PARD3: variants seen among roughly 807,000 people sequenced by gnomAD.
PARD3 encodes the protein partitioning defective 3 homolog.
Under a neutral mutation model 155.4 loss-of-function variants are expected in PARD3, and 75 were observed. The observed-to-expected ratio is 0.48, with a 90% confidence interval of 0.40 to 0.58. The LOEUF is 0.58. PARD3 is among the 20% of genes least tolerant of loss of function. PARD3 has a pLI of 0.00. For missense variants in PARD3, 1,642 were observed against 1,721.7 expected, an observed-to-expected ratio of 0.95 and a Z score of 0.82; for synonymous variants, 576 against 610.5, an observed-to-expected ratio of 0.94 and a Z score of 0.83.
rs1363613423 is a variant in PARD3, at chr10:34,284,157, G to A, written c.3154C>T (p.Arg1052Ter). 11 of 1,595,698 alleles carry A rather than the reference G, an allele frequency of 6.9e-6. No homozygotes were observed. The highest frequency in any genetic ancestry group is 3.4e-5 in the Admixed American group (2 of 58,340). The change falls in exon 21 of 25, where the codon CGA becomes TGA. Residue 1052 changes from arginine to a stop codon, truncating the protein, a stop_gained. Transcript: ENST00000374788. LOFTEE classifies it high-confidence loss of function. ...ESFTSEEERI[R>*]MKQEQERIQA... Reference sequence around the variant, plus strand: ...TACCTCTCCTGCTCCTGCTTCATTCGTATCCTCTCCTCTTCTGATGTAAAG... The same window carrying A: ...TACCTCTCCTGCTCCTGCTTCATTCATATCCTCTCCTCTTCTGATGTAAAG...
At chr10:34,674,857 T>G (rs571114378) in intron 2 of PARD3, among the ~76,000 whole-genome samples, 31 of 152,198 alleles carry the variant, frequency 2.0e-4, no homozygotes, top group Non-Finnish European at 3.7e-4. Context: ...GGGGCTTACC[T>G]GCCCTGCATC....
At chr10:34,383,350 A>AT (rs1379234038) in intron 8 of PARD3, among the ~76,000 whole-genome samples, 1 of 151,810 alleles carries the variant, frequency 6.6e-6, no homozygotes, top group Non-Finnish European at 1.5e-5. Context: ...TATATTTAGA[A>AT]TATTGGATTG....
intron 4 of PARD3, among the ~76,000 whole-genome samples, chr10:34,457,338 C>T (rs1281104639): frequency 1.3e-5 from 2 of 152,210 alleles, no homozygotes; most frequent in Non-Finnish European, 2.9e-5. Context: ...AAAACTCAAC[C>T]ACATCCAGGA....
intron 5 of PARD3, among the ~76,000 whole-genome samples, chr10:34,439,821 G>A (rs571300212): frequency 1.3e-5 from 2 of 151,972 alleles, no homozygotes; most frequent in East Asian, 1.9e-4. Context: ...AAAAGCCTAC[G>A]CCAACCCTAC....
intron 22 of PARD3, among the ~76,000 whole-genome samples, chr10:34,220,880 A>G (rs1233306766): frequency 6.6e-6 from 1 of 152,206 alleles, no homozygotes; most frequent in African/African-American, 2.4e-5. Context: ...CTTGGTACCC[A>G]CGCATTACAT....
At chr10:34,459,419 C>T (rs2077508433) in intron 4 of PARD3, among the ~76,000 whole-genome samples, 1 of 152,276 alleles carries the variant, frequency 6.6e-6, no homozygotes, top group East Asian at 1.9e-4. Context: ...GATCCGCCCG[C>T]CTCGGCCTCC....
chr10:34,499,767 G>T (rs2133410015), intron 3 of PARD3, among the ~76,000 whole-genome samples: 1 of 152,290 alleles, frequency 6.6e-6, no homozygotes, highest in Non-Finnish European at 1.5e-5. Context: ...GTTTGACAGG[G>T]CTGAGAAGAA....
intron 5 of PARD3, among the ~76,000 whole-genome samples, chr10:34,409,375 A>G (rs1478714437): frequency 2.0e-5 from 3 of 152,198 alleles, no homozygotes; most frequent in Non-Finnish European, 4.4e-5. Context: ...TTCTTGGAAG[A>G]TATTTAGTCC....
At chr10:34,517,221 T>C in intron 2 of PARD3, 62 bp from the exon 3 acceptor site, 1 of 1,479,496 alleles carries the variant, frequency 6.8e-7, no homozygotes, top group Admixed American at 1.9e-5. Flanking sequence ...ACCAAAATTT[T>C]GTACTATTTT....
At chr10:34,260,695 G>C (rs1442078739) in intron 22 of PARD3, among the ~76,000 whole-genome samples, 1 of 152,176 alleles carries the variant, frequency 6.6e-6, no homozygotes, top group East Asian at 1.9e-4. Flanking sequence ...ATTACAATGA[G>C]ATTGACTACC....
rs191514007 is a variant in PARD3 at position 34,195,449 on chromosome 10, C to T, written c.3420-63866G>A. On this transcript the variant is annotated intron_variant, in intron 22 of 24. Transcript: ENST00000374788. Reference sequence around the variant, plus strand: ...ACACACACACACACACGTACTAAAACGAGTAGTAACTGACAACACACAGTA... The same window carrying T: ...ACACACACACACACACGTACTAAAATGAGTAGTAACTGACAACACACAGTA... 3.7e-4 allele frequency among the ~76,000 whole-genome samples: 57 copies of T among 152,122 alleles called. No homozygotes were observed. The East Asian group carries it at 6.0e-3, about 16-fold the overall frequency.
intron 1 of PARD3, among the ~76,000 whole-genome samples, chr10:34,766,449 C>T (rs1373380897): frequency 6.6e-6 from 1 of 152,140 alleles, no homozygotes; most frequent in African/African-American, 2.4e-5. Flanking sequence ...TCAAATCTGA[C>T]TCCTAATCAG....
intron 20 of PARD3, among the ~76,000 whole-genome samples, chr10:34,309,669 G>A (rs992714953): frequency 1.3e-5 from 2 of 150,124 alleles, no homozygotes; most frequent in African/African-American, 4.9e-5. Flanking sequence ...GGGAAGAGAG[G>A]ACCAGAATGG....
chr10:34,295,471 G>T (rs1956864208), intron 20 of PARD3, among the ~76,000 whole-genome samples: 1 of 152,160 alleles, frequency 6.6e-6, no homozygotes, highest in Admixed American at 6.5e-5. Flanking sequence ...TGTGGTCTCA[G>T]TCCCTAGACA....
intron 22 of PARD3, among the ~76,000 whole-genome samples, chr10:34,227,886 T>TATATATA (rs1564499942): frequency 6.8e-4 from 43 of 62,932 alleles, no homozygotes; most frequent in Non-Finnish European, 1.1e-3. Flanking sequence ...ATATATATAC[T>TATATATA]GGGAATATAT....
intron 2 of PARD3, among the ~76,000 whole-genome samples, chr10:34,554,926 T>G (rs911816978): frequency 6.6e-6 from 1 of 152,174 alleles, no homozygotes; most frequent in African/African-American, 2.4e-5. Flanking sequence ...TATTACTTAA[T>G]CAAGGGTAAG....
intron 22 of PARD3, among the ~76,000 whole-genome samples, chr10:34,199,146 G>C (rs1951091189): frequency 6.6e-6 from 1 of 152,144 alleles, no homozygotes; most frequent in South Asian, 2.1e-4. Flanking sequence ...GATCCAATCA[G>C]ATCGTGCCTC....
intron 2 of PARD3, among the ~76,000 whole-genome samples, chr10:34,666,816 TACACACAC>T (rs1554804682): frequency 5.4e-4 from 48 of 88,790 alleles, no homozygotes; most frequent in African/African-American, 2.2e-3. Context: ...TATATATATA[TACACACAC>T]ACACACACAC....
intron 1 of PARD3, among the ~76,000 whole-genome samples, chr10:34,755,164 G>C (rs894237045): frequency 2.3e-4 from 35 of 151,754 alleles, no homozygotes; most frequent in Non-Finnish European, 3.5e-4. Context: ...CATTTTGGGA[G>C]GCTGAGGCGG....
Sources: gnomAD v4.1 joint callset for allele counts (sites outside exome capture counted in the v4.1 genomes callset) on GRCh38, gnomAD v4.1.1 for gene constraint, MANE v1.5 for transcripts, NCBI Gene and HGNC (gene_info 2026-07-23, HGNC 2026-07-21) for gene names.